Variants in C1orf105 observed in about 807,000 individuals in gnomAD.
The protein encoded by C1orf105 is uncharacterized protein C1orf105.
In C1orf105, 17 loss-of-function variants were observed where a neutral mutation model predicts 20.8. The ratio of observed to expected loss-of-function variants is 0.82; its 90% CI spans 0.56 to 1.23. The LOEUF (loss-of-function observed/expected upper bound fraction) is 1.23. C1orf105 is among the 50% of genes most tolerant of loss of function. The probability of loss-of-function intolerance (pLI) is 0.00; values close to 1 mark genes in which losing one functional copy is unlikely to be tolerated. For synonymous variants in C1orf105, 72 were observed against 72.1 expected, an observed-to-expected ratio of 1.00 and a Z score of 0.01; for missense variants, 219 against 213.5, an observed-to-expected ratio of 1.03 and a Z score of -0.16.
intron 1 of C1orf105, chr1:172,428,923 T>A: frequency 3.3e-6 from 2 of 614,262 alleles, no homozygotes; most frequent in South Asian, 3.8e-5. Flanking sequence ...GGGAAGCTTA[T>A]GTAGATACTA....
chr1:172,455,778 G>A (rs1007295089), intron 3 of C1orf105, among the ~76,000 whole-genome samples: 2 of 152,140 alleles, frequency 1.3e-5, no homozygotes, highest in Non-Finnish European at 2.9e-5. Flanking sequence ...GAGGATTGAG[G>A]GGACTCAGGA....
rs188094512 is a variant in C1orf105 at position 172,444,632 on chromosome 1, A to G, written c.22-441A>G. On this transcript the variant is annotated intron_variant, in intron 1 of 6. Transcript: ENST00000367727. ...ACAGGCACCTGGGAAGTAGATGAAC[A>G]GAGATCAATATCCAGTTGTCTATAG... Among the ~76,000 whole-genome samples, 372 of 152,368 alleles carry G rather than the reference A, an allele frequency of 2.4e-3. 8 individuals carry two copies. The highest frequency in any genetic ancestry group is 0.022 in the Admixed American group (341 of 15,312).
rs929037291 is a variant in C1orf105 at position 172,444,142 on chromosome 1, T to A, written c.22-931T>A. 13 of 989,098 alleles carry A rather than the reference T, an allele frequency of 1.3e-5. No homozygotes were observed. In the African/African-American group the frequency reaches 2.3e-4, roughly 17 times the overall value. 61.3% of individuals were successfully genotyped at this position (989,098 alleles called of 1,614,324 possible). ...TTCCCCGGCTGGAACCATCGCGACG[T>A]GACTGCTGCCCCCTCCTGGCTGCTC... On this transcript the variant is annotated intron_variant, in intron 1 of 6. Coordinates refer to ENST00000367727, the MANE Select transcript of C1orf105 (RefSeq NM_139240.4).
chr1:172,444,537 C>A (rs1338944566), intron 1 of C1orf105, among the ~76,000 whole-genome samples: 1 of 152,190 alleles, frequency 6.6e-6, no homozygotes, highest in Admixed American at 6.5e-5. Context: ...TTGACCTTTA[C>A]ACTGATTATA....
intron 1 of C1orf105, chr1:172,431,017 T>G (rs1254352039): frequency 5.0e-6 from 3 of 599,426 alleles, no homozygotes; most frequent in Admixed American, 2.8e-5. Flanking sequence ...ACTGCTCCAC[T>G]GACCAGCTCT....
At chr1:172,428,744 TATA>T in intron 1 of C1orf105, 1 of 671,120 alleles carries the variant, frequency 1.5e-6, no homozygotes, top group East Asian at 2.7e-5. Context: ...CTCCTCCTGC[TATA>T]ATGTCAGCTC....
chr1:172,434,725 A>G (rs1254515331), intron 1 of C1orf105, among the ~76,000 whole-genome samples: 3 of 152,262 alleles, frequency 2.0e-5, no homozygotes, highest in Non-Finnish European at 4.4e-5. Flanking sequence ...AAAAGCTAGC[A>G]GAAGGCAAGA....
intron 1 of C1orf105, chr1:172,431,354 G>A: frequency 3.0e-6 from 1 of 331,968 alleles, no homozygotes; most frequent in Non-Finnish European, 5.4e-6. Flanking sequence ...ATAGTGGTCT[G>A]TATAAAAGGC....
chr1:172,443,067 T>C (rs966285995), intron 1 of C1orf105: 1 of 170,890 alleles, frequency 5.9e-6, no homozygotes, highest in Admixed American at 6.2e-5. Context: ...TTATGTATCT[T>C]CTTTCACTTA....
chr1:172,435,209 T>C (rs889721131), intron 1 of C1orf105, among the ~76,000 whole-genome samples: 1 of 152,112 alleles, frequency 6.6e-6, no homozygotes, highest in South Asian at 2.1e-4. Flanking sequence ...ACTATTCCAA[T>C]CAATAGAAAA....
intron 1 of C1orf105, among the ~76,000 whole-genome samples, chr1:172,429,293 C>T (rs1419767682): frequency 6.6e-6 from 1 of 152,134 alleles, no homozygotes; most frequent in Admixed American, 6.6e-5. Flanking sequence ...GTGCATAGCA[C>T]GTTACCTAGC....
intron 6 of C1orf105, among the ~76,000 whole-genome samples, chr1:172,466,246 G>T (rs1018987456): frequency 1.3e-5 from 2 of 152,270 alleles, no homozygotes; most frequent in South Asian, 2.1e-4. Flanking sequence ...TACAGCTGAG[G>T]TTTGGGGATA....
intron 1 of C1orf105, chr1:172,442,754 T>C (rs1198796391): frequency 1.3e-6 from 1 of 789,592 alleles, no homozygotes; most frequent in Non-Finnish European, 2.1e-6. Context: ...CTACCAACCT[T>C]TCCTTGTTTT....
intron 4 of C1orf105, 52 bp from the exon 5 acceptor site, chr1:172,462,126 T>A: frequency 7.6e-7 from 1 of 1,314,588 alleles, no homozygotes; most frequent in Non-Finnish European, 1.1e-6. Flanking sequence ...ATTATTTATT[T>A]AAATCAAAAT....
At chr1:172,458,138 C>T (rs890596000) in intron 4 of C1orf105, among the ~76,000 whole-genome samples, 1 of 152,220 alleles carries the variant, frequency 6.6e-6, no homozygotes, top group Non-Finnish European at 1.5e-5. Context: ...TGGTAAAAGA[C>T]TGGATACTTT....
chr1:172,464,514 C>T (rs575879806), intron 5 of C1orf105, among the ~76,000 whole-genome samples: 12 of 152,306 alleles, frequency 7.9e-5, no homozygotes, highest in African/African-American at 2.9e-4. Context: ...TCAAGGGTCA[C>T]CTCCACAGCC....
chr1:172,442,061 A>G (rs1341109274), intron 1 of C1orf105: 2 of 1,614,120 alleles, frequency 1.2e-6, no homozygotes, highest in Non-Finnish European at 1.7e-6. Flanking sequence ...GATGCCAAGC[A>G]TACAGAAGCA....
chr1:172,465,501 G>A (rs1416594100), intron 6 of C1orf105, 138 bp downstream of exon 6: 1 of 746,484 alleles, frequency 1.3e-6, no homozygotes, highest in Non-Finnish European at 2.4e-6. Context: ...TTCACGTATT[G>A]TCTTTTGACC....
intron 5 of C1orf105, among the ~76,000 whole-genome samples, chr1:172,462,593 C>A (rs939459416): frequency 1.3e-5 from 2 of 152,190 alleles, no homozygotes; most frequent in Admixed American, 6.5e-5. Flanking sequence ...TGGGGGATTA[C>A]ACATAATCTT....
Sources: allele counts gnomAD v4.1 joint callset (sites outside exome capture counted in the v4.1 genomes callset), GRCh38; gene constraint gnomAD v4.1.1; transcripts MANE v1.5; gene names NCBI Gene and HGNC (gene_info 2026-07-23, HGNC 2026-07-21).